Variants in SHMT1 observed in about 807,000 individuals in gnomAD.
SHMT1 encodes serine hydroxymethyltransferase 1.
Under a neutral mutation model 49.0 loss-of-function variants are expected in SHMT1, and 45 were observed. The ratio of observed to expected loss-of-function variants is 0.92; its 90% confidence interval spans 0.72 to 1.18. The LOEUF (loss-of-function observed/expected upper bound fraction) is 1.18, where lower values mean the gene tolerates loss of function less well. Among genes scored for constraint, SHMT1 ranks in the 50% most tolerant of loss-of-function variants. SHMT1 has a pLI of 0.00. For missense variants in SHMT1, 541 were observed against 612.4 expected, an observed-to-expected ratio of 0.88 and a Z score of 1.23; for synonymous variants, 232 against 246.6, an observed-to-expected ratio of 0.94 and a Z score of 0.55.
intron 10 of SHMT1, among the ~76,000 whole-genome samples, chr17:18,329,733 C>G (rs970734923): frequency 1.3e-5 from 2 of 152,152 alleles, no homozygotes; most frequent in African/African-American, 4.8e-5. Context: ...TGACCTCCCT[C>G]ATCTGATGAA....
chr17:18,334,867 G>A (rs1052855209), intron 8 of SHMT1, among the ~76,000 whole-genome samples: 7 of 152,102 alleles, frequency 4.6e-5, no homozygotes, highest in Non-Finnish European at 8.8e-5. Flanking sequence ...GAACACACCC[G>A]GGACCCCAGC....
In SHMT1 at chr17:18,333,300, G is replaced by T; in HGVS notation, c.932-12C>A. ...TGCCACAGCAACCCCTGGACAAGAA[G>T]AGACAATGGGTCAGGAGGCTAGGAT... On this transcript the variant is annotated splice_polypyrimidine_tract_variant and intron_variant, in intron 8 of 11. Transcript: ENST00000316694. The T allele has an allele frequency of 6.2e-7, 1 of 1,612,572 alleles. No homozygotes were observed.
At chr17:18,338,416 C>T (rs1026179218) in intron 7 of SHMT1, among the ~76,000 whole-genome samples, 6 of 150,930 alleles carry the variant, frequency 4.0e-5, no homozygotes, top group African/African-American at 7.3e-5. Context: ...GGGCAGCCCC[C>T]GCCTGGCCGT....
At chr17:18,352,856 A>G (rs1460930454) in intron 3 of SHMT1, among the ~76,000 whole-genome samples, 1 of 152,102 alleles carries the variant, frequency 6.6e-6, no homozygotes, top group Non-Finnish European at 1.5e-5. Flanking sequence ...CCTGGTGTTA[A>G]CAAAATACCT....
intron 4 of SHMT1, 133 bp from the exon 5 acceptor site, chr17:18,347,789 G>C: frequency 1.1e-6 from 1 of 938,498 alleles, no homozygotes; most frequent in Non-Finnish European, 1.6e-6. Flanking sequence ...GCTCCAGGAG[G>C]TGCCCCTTCA....
chr17:18,343,318 A>G (rs1598038874), intron 5 of SHMT1, among the ~76,000 whole-genome samples: 1 of 151,918 alleles, frequency 6.6e-6, no homozygotes, highest in East Asian at 1.9e-4. Flanking sequence ...TTCTATAAAC[A>G]TATGGGTCAG....
In SHMT1 at chr17:18,353,790, T is replaced by C. The variant is rs201557147; in HGVS notation, c.124A>G (p.Asn42Asp). The C allele has an allele frequency of 7.4e-6, 12 of 1,614,186 alleles. No individual in the cohort carries two copies. The East Asian group carries it at 2.7e-4, about 36-fold the overall frequency. ...AGCTCCAATCCAACCCTCTGCCGGT[T>C]ACTCTCCTTCTTAATGATGTTGTAA... ...EVYNIIKKES[N>D]RQRVGLELIA... The change falls in exon 3 of 12, where the codon AAC becomes GAC. Residue 42 changes from asparagine to aspartate, a missense_variant. Physicochemically the swap from Asn to Asp is conservative, Grantham distance 23. Transcript: ENST00000316694.
chr17:18,345,805 T>C (rs1056326494), intron 5 of SHMT1, among the ~76,000 whole-genome samples: 3 of 151,932 alleles, frequency 2.0e-5, no homozygotes, highest in African/African-American at 7.3e-5. Context: ...CTCAGCCTCC[T>C]GAGTAGCTGG....
At chr17:18,335,901 G>A (rs1567773044) in intron 7 of SHMT1, among the ~76,000 whole-genome samples, 1 of 152,114 alleles carries the variant, frequency 6.6e-6, no homozygotes, top group Non-Finnish European at 1.5e-5. Context: ...GACTCTGGCT[G>A]GAATACTGGT....
At position 18,340,834 on chromosome 17, in the gene SHMT1, A is replaced by G. The variant is rs1353338387; in HGVS notation, c.520-21T>C. ...TTCACCTGTGGAATGTCAGGGAGGC[A>G]GGTTCAGGCTGCTTCCTCCAACCAC... On this transcript the variant is annotated intron_variant, in intron 5 of 11. Coordinates refer to ENST00000316694, the MANE Select transcript of SHMT1 (RefSeq NM_004169.5). The surrounding 1 kb of genome is among the most constrained non-coding windows in gnomAD (Gnocchi z 4.5). 4 of 1,601,812 alleles carry G rather than the reference A, an allele frequency of 2.5e-6. No homozygotes were observed. Among genetic ancestry groups the G allele is most frequent in the Non-Finnish European group, 3.4e-6 (4 of 1,171,606 alleles).
chr17:18,353,574 T>G, intron 3 of SHMT1, 98 bp downstream of exon 3: 1 of 1,258,130 alleles, frequency 7.9e-7, no homozygotes. Flanking sequence ...GCTGGGAAGC[T>G]TATTGTTTTC....
At chr17:18,347,772 T>G (rs1598047613) in intron 4 of SHMT1, 116 bp from the exon 5 acceptor site, 4 of 1,102,444 alleles carry the variant, frequency 3.6e-6, no homozygotes, top group African/African-American at 1.5e-5. Context: ...CCTTGTACCT[T>G]CCCTGAGCTC....
At position 18,340,121 on chromosome 17, in the gene SHMT1, C is replaced by A. The variant is rs1161596182; in HGVS notation, c.736G>T (p.Glu246Ter). 6.2e-7 allele frequency: 1 copy of A among 1,614,166 alleles called. No individual in the cohort carries two copies. The highest frequency in any genetic ancestry group is 1.7e-5 in the Admixed American group (1 of 60,016). ...GTGGTGGTCACCACATGGCAGTGTT[C>A]AAATGGGGAGGGCACCACGCCAGCC... ...VAAGVVPSPF[E>*]HCHVVTTTTH... Residue 246 changes from glutamate to a stop codon, truncating the protein, a stop_gained, in exon 7 of 12, where the codon GAA (glutamate) becomes TAA (stop). Coordinates refer to ENST00000316694, the MANE Select transcript of SHMT1 (RefSeq NM_004169.5). LOFTEE classifies it high-confidence loss of function. This position sits in a 1 kb window ranked among gnomAD's most constrained non-coding sequence, Gnocchi z 4.5.
chr17:18,350,300 C>T lies in SHMT1; in HGVS notation c.243-1860G>A, dbSNP rs1206569586. On this transcript the variant is annotated intron_variant, in intron 3 of 11. Transcript: ENST00000316694. Reference sequence around the variant, plus strand: ...GAGCCGAGATCGTGCCACTGCGCTCCAGCCTGGGCGACAGAGTGAGACTCC... The same window carrying T: ...GAGCCGAGATCGTGCCACTGCGCTCTAGCCTGGGCGACAGAGTGAGACTCC... Among the ~76,000 whole-genome samples, 3 of 152,052 alleles carry T rather than the reference C, an allele frequency of 2.0e-5. No individual in the cohort carries two copies. In the East Asian group the frequency reaches 5.8e-4, roughly 29 times the overall value.
chr17:18,351,437 C>T (rs983252921), intron 3 of SHMT1, among the ~76,000 whole-genome samples: 10 of 151,862 alleles, frequency 6.6e-5, no homozygotes, highest in Non-Finnish European at 1.3e-4. Context: ...TGAGCCACCA[C>T]GCCCAGCCAA....
At chr17:18,356,575 C>T (rs1320978258) in intron 1 of SHMT1, among the ~76,000 whole-genome samples, 10 of 151,866 alleles carry the variant, frequency 6.6e-5, no homozygotes, top group Non-Finnish European at 1.5e-4. Context: ...TCAAGTGATC[C>T]GCCTGCCTCG....
At chr17:18,334,523 G>C (rs1302143888) in intron 8 of SHMT1, among the ~76,000 whole-genome samples, 6 of 152,186 alleles carry the variant, frequency 3.9e-5, no homozygotes, top group Non-Finnish European at 8.8e-5. Context: ...GTGTGAAAAC[G>C]ATTACTTAGC....
chr17:18,350,993 G>A (rs181745452), intron 3 of SHMT1, among the ~76,000 whole-genome samples: 1 of 151,864 alleles, frequency 6.6e-6, no homozygotes. Flanking sequence ...TCAGCCTCCC[G>A]AAGTGCTGGG....
Position 18,328,924 on chromosome 17 carries a change from G to A in SHMT1, c.1283-5C>T. Reference sequence around the variant, plus strand: ...TCTGCAGGGTCAGCTCTATCCCTGTGCCACAAGACACAAATGAGTCACCCC... The same window carrying A: ...TCTGCAGGGTCAGCTCTATCCCTGTACCACAAGACACAAATGAGTCACCCC... On this transcript the variant is annotated splice_region_variant and splice_polypyrimidine_tract_variant and intron_variant, in intron 11 of 11. Transcript: ENST00000316694. 1 of 1,613,642 alleles carries A rather than the reference G, an allele frequency of 6.2e-7. No individual in the cohort carries two copies. Among genetic ancestry groups the A allele is most frequent in the Non-Finnish European group, 8.5e-7 (1 of 1,179,916 alleles).
Sources: gnomAD v4.1 joint callset for allele counts (sites outside exome capture counted in the v4.1 genomes callset) on GRCh38, gnomAD v4.1.1 for gene constraint, Gnocchi (gnomAD v3.1) non-coding constraint, MANE v1.5 for transcripts, NCBI Gene and HGNC (gene_info 2026-07-23, HGNC 2026-07-21) for gene names.